Variants in CNTLN observed in about 807,000 individuals in gnomAD.
CNTLN encodes the protein centlein.
CNTLN carries 212 observed loss-of-function variants against 180.0 expected under a neutral mutation model. The ratio of observed to expected loss-of-function variants is 1.18; its 90% CI spans 1.05 to 1.32. The LOEUF (loss-of-function observed/expected upper bound fraction) is 1.32, where lower values mean the gene tolerates loss of function less well. Among genes scored for constraint, CNTLN ranks in the 40% most tolerant of loss-of-function variants. The probability of loss-of-function intolerance (pLI) is 0.00; values close to 1 mark genes in which losing one functional copy is unlikely to be tolerated. For missense variants in CNTLN, 2,095 were observed against 1,610.9 expected, an observed-to-expected ratio of 1.30 and a Z score of -5.14; for synonymous variants, 722 against 563.1, an observed-to-expected ratio of 1.28 and a Z score of -3.99.
At chr9:17,525,009 A>C in the CNTLN span, among the ~76,000 whole-genome samples, 2 of 152,324 alleles carry the variant, frequency 1.3e-5, no homozygotes, top group South Asian at 4.1e-4. Flanking sequence ...TAAAGACAAA[A>C]ACAAGATCAC....
At chr9:17,506,861 A>G (rs1286372384), downstream of CNTLN, among the ~76,000 whole-genome samples, 5 of 152,248 alleles carry the variant, frequency 3.3e-5, no homozygotes, top group South Asian at 2.1e-4. Flanking sequence ...ATTGATACAT[A>G]ATTTTACATA....
chr9:17,400,331 G>A (rs1826872937), intron 15 of CNTLN, among the ~76,000 whole-genome samples: 1 of 152,086 alleles, frequency 6.6e-6, no homozygotes, highest in South Asian at 2.1e-4. Flanking sequence ...TAGAGATGAG[G>A]TTTCACCATG....
At chr9:17,290,835 C>T (rs1038890048) in intron 6 of CNTLN, among the ~76,000 whole-genome samples, 12 of 152,218 alleles carry the variant, frequency 7.9e-5, no homozygotes, top group African/African-American at 2.4e-4. Context: ...CTCGCGCTTC[C>T]CAGGTGAGGC....
At chr9:17,229,598 T>C (rs550701773) in intron 3 of CNTLN, among the ~76,000 whole-genome samples, 10 of 152,236 alleles carry the variant, frequency 6.6e-5, no homozygotes, top group East Asian at 5.8e-4. Flanking sequence ...TAGTATTTTC[T>C]TGGGGCCTTC....
intron 18 of CNTLN, among the ~76,000 whole-genome samples, chr9:17,425,341 C>A (rs778643317): frequency 1.1e-4 from 17 of 152,040 alleles, no homozygotes; most frequent in Non-Finnish European, 1.8e-4. Flanking sequence ...AAGAGACACC[C>A]GATTCTACTC....
chr9:17,245,630 T>G (rs1235239408), intron 5 of CNTLN, among the ~76,000 whole-genome samples: 1 of 152,126 alleles, frequency 6.6e-6, no homozygotes, highest in Non-Finnish European at 1.5e-5. Flanking sequence ...TGAATATATT[T>G]TCTAGCCTGA....
chr9:17,487,373 G>C (rs1195203512), intron 25 of CNTLN, among the ~76,000 whole-genome samples: 1 of 152,106 alleles, frequency 6.6e-6, no homozygotes, highest in Non-Finnish European at 1.5e-5. Flanking sequence ...TAGGAAAAGA[G>C]ATTCTTTATT....
intron 2 of CNTLN, among the ~76,000 whole-genome samples, chr9:17,176,666 C>T (rs1186907209): frequency 1.3e-5 from 2 of 152,108 alleles, no homozygotes; most frequent in Non-Finnish European, 2.9e-5. Flanking sequence ...TGATGTTATT[C>T]TTCTTCAAAT....
chr9:17,212,722 C>G (rs945543857), intron 2 of CNTLN, among the ~76,000 whole-genome samples: 4 of 152,182 alleles, frequency 2.6e-5, no homozygotes, highest in African/African-American at 7.2e-5. Context: ...ATTATTGCCT[C>G]AATTTCAGAG....
At chr9:17,443,789 G>T (rs1446759374) in intron 18 of CNTLN, among the ~76,000 whole-genome samples, 1 of 152,176 alleles carries the variant, frequency 6.6e-6, no homozygotes, top group Non-Finnish European at 1.5e-5. Context: ...TTTGCAGCAA[G>T]ATCTTAAGTT....
intron 2 of CNTLN, among the ~76,000 whole-genome samples, chr9:17,158,822 C>T (rs1819479526): frequency 6.6e-6 from 1 of 151,864 alleles, no homozygotes; most frequent in Admixed American, 6.6e-5. Flanking sequence ...CAGCTTTTGG[C>T]TGTATTGTTC....
At chr9:17,260,359 G>C (rs919397180) in intron 5 of CNTLN, among the ~76,000 whole-genome samples, 4 of 151,182 alleles carry the variant, frequency 2.6e-5, no homozygotes, top group African/African-American at 9.8e-5. Flanking sequence ...TATAATTTCT[G>C]TTCTTTTACA....
At chr9:17,367,948 C>A (rs10963067) in intron 13 of CNTLN, among the ~76,000 whole-genome samples, 11,780 of 152,116 alleles carry the variant, frequency 0.077, 506 homozygotes, top group South Asian at 0.14. Flanking sequence ...TGAGAAACCC[C>A]TGCATGAGAA....
chr9:17,496,912 A>G (rs1036592238), intron 25 of CNTLN, among the ~76,000 whole-genome samples: 1 of 152,340 alleles, frequency 6.6e-6, no homozygotes, highest in Middle Eastern at 3.4e-3. Flanking sequence ...TCTGAATACC[A>G]GTATTAAGAT....
chr9:17,366,631 A>G lies in CNTLN; in HGVS notation c.1901A>G (p.Glu634Gly). 1 of 1,519,380 alleles carries G rather than the reference A, an allele frequency of 6.6e-7. No individual in the cohort carries two copies. The highest frequency in any genetic ancestry group is 9.1e-7 in the Non-Finnish European group (1 of 1,103,012). The allele number at this position is 1,519,380 out of a possible 1,614,324, so 94.1% of individuals were successfully genotyped here. ...ELMIQKMNLE[E>G]ELDELKVHIS... ...CTTTTTCATAGGATGAATCTTGAAG[A>G]AGAATTAGATGAACTTAAAGTACAT... Residue 634 changes from glutamate to glycine, a missense_variant, in exon 13 of 26, where the codon GAA (glutamate) becomes GGA (glycine). Transcript: ENST00000380647.
the CNTLN span, among the ~76,000 whole-genome samples, chr9:17,525,132 G>T: frequency 6.6e-6 from 1 of 151,950 alleles, no homozygotes; most frequent in African/African-American, 2.4e-5. Context: ...CTGCTAACTT[G>T]CCCAACATCC....
chr9:17,311,831 T>C (rs1271646240), intron 8 of CNTLN, among the ~76,000 whole-genome samples: 2 of 151,846 alleles, frequency 1.3e-5, no homozygotes, highest in Non-Finnish European at 2.9e-5. Context: ...AAAAAAGAAA[T>C]TGACAAATCA....
chr9:17,212,932 G>T (rs1286217672), intron 2 of CNTLN, among the ~76,000 whole-genome samples: 1 of 152,034 alleles, frequency 6.6e-6, no homozygotes, highest in Non-Finnish European at 1.5e-5. Context: ...GCGTCTATTT[G>T]ATTCTTCTCT....
chr9:17,357,703 A>G, intron 12 of CNTLN, among the ~76,000 whole-genome samples: 1 of 150,256 alleles, frequency 6.7e-6, no homozygotes, highest in African/African-American at 2.4e-5. Context: ...TTTTTCTGTG[A>G]AAAGACAGCA....
Sources: gnomAD v4.1 joint callset for allele counts (sites outside exome capture counted in the v4.1 genomes callset) on GRCh38, gnomAD v4.1.1 for gene constraint, MANE v1.5 for transcripts, NCBI Gene and HGNC (gene_info 2026-07-23, HGNC 2026-07-21) for gene names.